MAN1A1: variants seen among roughly 807,000 people sequenced by gnomAD.
The protein encoded by MAN1A1 is mannosidase alpha class 1A member 1.
MAN1A1 carries 29 observed loss-of-function variants against 70.8 expected under a neutral mutation model. That is an observed-to-expected ratio of 0.41 (90% CI 0.31 to 0.56). The LOEUF (loss-of-function observed/expected upper bound fraction) is 0.56. Among genes scored for constraint, MAN1A1 ranks in the 20% least tolerant of loss-of-function variants. MAN1A1 has a pLI of 0.29. For synonymous variants in MAN1A1, 349 were observed against 330.1 expected (o/e 1.06, Z -0.62); for missense variants, 747 against 841.3 (o/e 0.89, Z 1.39).
At chr6:119,197,927 T>A (rs6917694) in intron 8 of MAN1A1, among the ~76,000 whole-genome samples, 1 of 151,980 alleles carries the variant, frequency 6.6e-6, no homozygotes, top group Non-Finnish European at 1.5e-5. Flanking sequence ...GATGTTCCAG[T>A]ACAACTGGCT....
chr6:119,262,000 A>C (rs1775627301), intron 5 of MAN1A1, among the ~76,000 whole-genome samples: 1 of 152,184 alleles, frequency 6.6e-6, no homozygotes, highest in South Asian at 2.1e-4. Flanking sequence ...AAATAACAGA[A>C]GTGATGGTGG....
chr6:119,228,489 C>T (rs972952751), intron 6 of MAN1A1, among the ~76,000 whole-genome samples: 1 of 152,022 alleles, frequency 6.6e-6, no homozygotes, highest in African/African-American at 2.4e-5. Context: ...TTCAAATATA[C>T]ATAATGGAAT....
At chr6:119,204,907 G>C in intron 6 of MAN1A1, 25 bp from the exon 7 acceptor site, 1 of 1,610,440 alleles carries the variant, frequency 6.2e-7, no homozygotes, top group Non-Finnish European at 8.5e-7. Context: ...ACGTCGAAGA[G>C]TTATGGGTCA....
intron 2 of MAN1A1, among the ~76,000 whole-genome samples, chr6:119,344,976 T>C (rs1773687545): frequency 6.6e-6 from 1 of 152,178 alleles, no homozygotes; most frequent in South Asian, 2.1e-4. Flanking sequence ...GCTGCCAGTC[T>C]GCACATACCC....
At chr6:119,348,414 C>G in intron 2 of MAN1A1, 49 bp downstream of exon 2, 1 of 1,488,388 alleles carries the variant, frequency 6.7e-7, no homozygotes, top group Non-Finnish European at 9.1e-7. Flanking sequence ...GCCGTTTCTC[C>G]CTGAAAAACA....
At chr6:119,253,961 A>G (rs999367551) in intron 5 of MAN1A1, among the ~76,000 whole-genome samples, 2 of 152,170 alleles carry the variant, frequency 1.3e-5, no homozygotes, top group South Asian at 4.1e-4. Flanking sequence ...CATACACGAG[A>G]CTGAATCAAC....
intron 5 of MAN1A1, among the ~76,000 whole-genome samples, chr6:119,257,608 T>C (rs1400076097): frequency 1.3e-5 from 2 of 152,166 alleles, no homozygotes; most frequent in East Asian, 3.8e-4. Context: ...GAAGAAAGTA[T>C]ATGCTTTTGT....
At chr6:119,349,340 C>A in intron 1 of MAN1A1, 53 bp from the exon 2 acceptor site, 1 of 1,125,212 alleles carries the variant, frequency 8.9e-7, no homozygotes, top group Non-Finnish European at 1.1e-6. Flanking sequence ...ATAAAGTTTC[C>A]AGCGGGTCTC....
chr6:119,341,495 G>T (rs1018325165), intron 2 of MAN1A1, among the ~76,000 whole-genome samples: 1 of 152,144 alleles, frequency 6.6e-6, no homozygotes. Context: ...TACACTGGGG[G>T]AATCTCAGGA....
chr6:119,259,860 TAAAC>T (rs1775559851), intron 5 of MAN1A1, among the ~76,000 whole-genome samples: 1 of 152,208 alleles, frequency 6.6e-6, no homozygotes, highest in African/African-American at 2.4e-5. Flanking sequence ...TTTATTTTCT[TAAAC>T]AATGAATACA....
intron 5 of MAN1A1, among the ~76,000 whole-genome samples, chr6:119,289,142 G>C (rs1032059363): frequency 6.6e-6 from 1 of 151,702 alleles, no homozygotes. Context: ...AACACTGAGT[G>C]AAAACGTATC....
At chr6:119,269,503 G>T in intron 5 of MAN1A1, 1 of 186,256 alleles carries the variant, frequency 5.4e-6, no homozygotes, top group Non-Finnish European at 1.1e-5. Context: ...AAAAGATGCA[G>T]ATGGGGGGCC....
intron 7 of MAN1A1, among the ~76,000 whole-genome samples, chr6:119,201,568 T>C (rs1478465325): frequency 6.6e-6 from 1 of 152,170 alleles, no homozygotes; most frequent in Non-Finnish European, 1.5e-5. Flanking sequence ...AAGGGGCCAG[T>C]GGATAAACAA....
intron 2 of MAN1A1, among the ~76,000 whole-genome samples, chr6:119,346,679 C>G (rs879457807): frequency 2.0e-5 from 3 of 152,204 alleles, no homozygotes; most frequent in Non-Finnish European, 4.4e-5. Flanking sequence ...ACTGGTTCTG[C>G]TCTGAATGCA....
intron 2 of MAN1A1, among the ~76,000 whole-genome samples, chr6:119,313,285 C>G (rs1230325590): frequency 1.3e-5 from 2 of 152,094 alleles, no homozygotes; most frequent in African/African-American, 4.8e-5. Flanking sequence ...AAGATGCCAC[C>G]CAAGACAGTC....
chr6:119,181,975 A>T (rs938598493), intron 11 of MAN1A1, among the ~76,000 whole-genome samples: 1 of 152,182 alleles, frequency 6.6e-6, no homozygotes, highest in African/African-American at 2.4e-5. Context: ...CATAATGGCT[A>T]TATCAATTTT....
intron 5 of MAN1A1, among the ~76,000 whole-genome samples, chr6:119,250,563 T>C (rs1352742521): frequency 1.3e-5 from 2 of 152,124 alleles, no homozygotes; most frequent in East Asian, 3.9e-4. Flanking sequence ...ATAATGATAA[T>C]GGTATTTCCT....
intron 2 of MAN1A1, among the ~76,000 whole-genome samples, chr6:119,329,464 C>G (rs1024742242): frequency 2.6e-5 from 4 of 151,660 alleles, no homozygotes; most frequent in African/African-American, 7.3e-5. Flanking sequence ...ATCCCCCCCC[C>G]ACCCACTGAC....
rs754857944 is a variant in MAN1A1, at chr6:119,189,847, C to T, written c.1363G>A (p.Gly455Arg). ...ETHLIRKSSS[G>R]LTYIAEWKGG... ...TTCCACTCTGCGATATAAGTTAGTCCGCTGCTAGACTTGCGGATCAAATGA... is the reference window on the plus strand; with the variant it reads ...TTCCACTCTGCGATATAAGTTAGTCTGCTGCTAGACTTGCGGATCAAATGA... The change falls in exon 10 of 13, where the codon GGA becomes AGA. Residue 455 changes from glycine to arginine, a missense_variant. Gly to Arg is a moderately radical substitution (Grantham distance 125). This residue lies in a region of MAN1A1 where 419 missense variants were observed against 548.2 expected (regional missense o/e 0.76). Coordinates refer to ENST00000368468, the MANE Select transcript of MAN1A1 (RefSeq NM_005907.4). 1.9e-5 allele frequency: 31 copies of T among 1,613,870 alleles called. No individual in the cohort carries two copies. The highest frequency in any genetic ancestry group is 3.3e-4 in the Middle Eastern group (2 of 6,084).
Sources: allele counts gnomAD v4.1 joint callset (sites outside exome capture counted in the v4.1 genomes callset), GRCh38; gene constraint gnomAD v4.1.1; regional missense constraint gnomAD v4.1.1; transcripts MANE v1.5; gene names NCBI Gene and HGNC (gene_info 2026-07-23, HGNC 2026-07-21).